FAM171A1: variants seen among roughly 807,000 people sequenced by gnomAD.
FAM171A1 encodes the protein protein FAM171A1.
Under a neutral mutation model 74.9 loss-of-function variants are expected in FAM171A1, and 23 were observed. The observed-to-expected ratio is 0.31, with a 90% confidence interval of 0.22 to 0.44. The LOEUF is 0.44. Ranked by LOEUF, FAM171A1 falls within the 20% of genes least tolerant of loss-of-function variation. The pLI, the probability that FAM171A1 is intolerant of heterozygous loss-of-function variation, is 1.00. For missense variants in FAM171A1, 1,162 were observed against 1,159.2 expected, an observed-to-expected ratio of 1.00 and a Z score of -0.03; for synonymous variants, 527 against 505.7, an observed-to-expected ratio of 1.04 and a Z score of -0.57.
intron 1 of FAM171A1, among the ~76,000 whole-genome samples, chr10:15,298,378 C>T (rs1835185844): frequency 6.6e-6 from 1 of 152,198 alleles, no homozygotes. Context: ...AGGTGATCCG[C>T]CTGCCTCGGC....
At position 15,254,784 on chromosome 10, in the gene FAM171A1, C is replaced by A; in HGVS notation, c.514G>T (p.Ala172Ser). 1.9e-6 allele frequency: 3 copies of A among 1,614,174 alleles called. No homozygotes were observed. The highest frequency in any genetic ancestry group is 2.5e-6 in the Non-Finnish European group (3 of 1,180,008). The change falls in exon 4 of 8, where the codon GCC (alanine) becomes TCC (serine). Residue 172 changes from alanine (A) to serine (S), a missense_variant. Transcript: ENST00000378116. ...CTGTCCACCTCCGAAGGGGAGCTGGCGGCCGTGAGAAACGCGGTCAGGTCA... is the reference window on the plus strand; with the variant it reads ...CTGTCCACCTCCGAAGGGGAGCTGGAGGCCGTGAGAAACGCGGTCAGGTCA... ...YSDLTAFLTA[A>S]SSPSEVDSFP...
chr10:15,338,037 A>G (rs1466455713), intron 1 of FAM171A1, among the ~76,000 whole-genome samples: 1 of 152,204 alleles, frequency 6.6e-6, no homozygotes, highest in African/African-American at 2.4e-5. Flanking sequence ...TAAAAAACAA[A>G]GAATTCTTCT....
intron 5 of FAM171A1, among the ~76,000 whole-genome samples, chr10:15,230,177 T>C (rs1416190345): frequency 2.0e-5 from 3 of 152,232 alleles, no homozygotes; most frequent in Non-Finnish European, 4.4e-5. Flanking sequence ...ACCACATTCT[T>C]CAGTATGGCA....
chr10:15,276,438 C>T (rs1834896311), intron 2 of FAM171A1, among the ~76,000 whole-genome samples: 1 of 152,314 alleles, frequency 6.6e-6, no homozygotes, highest in South Asian at 2.1e-4. Context: ...CTTGGCCTCC[C>T]AAAGTGTTGG....
At chr10:15,325,153 T>C (rs545854041) in intron 1 of FAM171A1, among the ~76,000 whole-genome samples, 1 of 152,242 alleles carries the variant, frequency 6.6e-6, no homozygotes, top group South Asian at 2.1e-4. Flanking sequence ...CAGAAAACAC[T>C]CTACAATTTC....
intron 1 of FAM171A1, among the ~76,000 whole-genome samples, chr10:15,336,171 T>C (rs1835696929): frequency 6.6e-6 from 1 of 151,974 alleles, no homozygotes; most frequent in African/African-American, 2.4e-5. Context: ...CCCTCAGAAA[T>C]AGAGTTTAGG....
At chr10:15,339,679 A>AC (rs1835741942) in intron 1 of FAM171A1, among the ~76,000 whole-genome samples, 1 of 151,896 alleles carries the variant, frequency 6.6e-6, no homozygotes, top group Admixed American at 6.6e-5. Flanking sequence ...CTCCTCCTAC[A>AC]CCCAACCCCT....
chr10:15,368,247 A>ATATAT (rs1836090639), intron 1 of FAM171A1, among the ~76,000 whole-genome samples: 2 of 152,240 alleles, frequency 1.3e-5, no homozygotes, highest in Admixed American at 1.3e-4. Flanking sequence ...AGAGAGTCTG[A>ATATAT]AGCCAAGCCT....
intron 3 of FAM171A1, among the ~76,000 whole-genome samples, chr10:15,267,598 TCG>T (rs1177262142): frequency 2.8e-5 from 2 of 70,740 alleles, no homozygotes; most frequent in East Asian, 9.8e-4. Flanking sequence ...CGAGACACCA[TCG>T]CAAAAAAAAA....
rs1345056046 is a variant in FAM171A1, at chr10:15,211,783, A to C, written c.*1132T>G. 6.6e-6 allele frequency: 1 copy of C among 151,700 alleles called. No homozygotes were observed. Among genetic ancestry groups the C allele is most frequent in the Non-Finnish European group, 1.5e-5 (1 of 67,964 alleles). The allele number at this position is 151,700 out of a possible 1,614,324, so 9.4% of individuals were successfully genotyped here. On this transcript the variant is annotated 3_prime_UTR_variant, in exon 8 of 8. Transcript: ENST00000378116. ...CTTTTTTTTTTTTAAATTTTTTTTAATAGTCACATTCAGCTCGCTTGCTCA... is the reference window on the plus strand; with the variant it reads ...CTTTTTTTTTTTTAAATTTTTTTTACTAGTCACATTCAGCTCGCTTGCTCA...
intron 4 of FAM171A1, among the ~76,000 whole-genome samples, chr10:15,254,272 T>G (rs775052855): frequency 1.2e-4 from 18 of 152,140 alleles, no homozygotes; most frequent in Non-Finnish European, 2.4e-4. Context: ...CCCTCCTGGC[T>G]GCAGCATAGG....
intron 1 of FAM171A1, among the ~76,000 whole-genome samples, chr10:15,285,335 G>A (rs973390108): frequency 3.9e-5 from 6 of 152,188 alleles, no homozygotes; most frequent in East Asian, 1.9e-4. Context: ...TATGAGCTCC[G>A]TAAAAGGATT....
rs1833986982 is a variant in FAM171A1 at position 15,217,916 on chromosome 10, C to T, written c.872-1806G>A. Among the ~76,000 whole-genome samples the T allele has an allele frequency of 2.6e-5, 4 of 152,104 alleles. 1 individual carries two copies. Among genetic ancestry groups the T allele is most frequent in the Admixed American group, 2.6e-4 (4 of 15,258 alleles). ...AAAGTGCTGGGATTACAGGCATGAG[C>T]CACCGCACCCGGCCCAGAGAAACAA... On this transcript the variant is annotated intron_variant, in intron 6 of 7. Transcript: ENST00000378116.
intron 3 of FAM171A1, among the ~76,000 whole-genome samples, chr10:15,269,867 C>T (rs1401926569): frequency 6.6e-6 from 1 of 152,164 alleles, no homozygotes; most frequent in Admixed American, 6.5e-5. Context: ...ATGCTATGTC[C>T]CAGCTGTGGA....
chr10:15,278,985 C>G (rs1045640295), intron 2 of FAM171A1, among the ~76,000 whole-genome samples: 1 of 152,134 alleles, frequency 6.6e-6, no homozygotes, highest in Admixed American at 6.5e-5. Context: ...CACCTCAAAA[C>G]CCGGGCTAGG....
intron 1 of FAM171A1, among the ~76,000 whole-genome samples, chr10:15,348,041 C>T (rs1027601905): frequency 6.6e-6 from 1 of 151,980 alleles, no homozygotes; most frequent in African/African-American, 2.4e-5. Context: ...GCAATGGCAC[C>T]AACTCGGTTC....
intron 5 of FAM171A1, among the ~76,000 whole-genome samples, chr10:15,235,247 G>A (rs113331813): frequency 0.13 from 18,839 of 148,516 alleles, 1,265 homozygotes; most frequent in Middle Eastern, 0.19. Flanking sequence ...GGTTGCAGTG[G>A]GCCGAGATTG....
At chr10:15,261,042 G>A (rs1223431783) in intron 3 of FAM171A1, among the ~76,000 whole-genome samples, 4 of 152,288 alleles carry the variant, frequency 2.6e-5, no homozygotes, top group Admixed American at 2.6e-4. Context: ...GAGAGGAGAA[G>A]GCATTTCTCT....
At chr10:15,323,887 A>G (rs151290075) in intron 1 of FAM171A1, among the ~76,000 whole-genome samples, 2,959 of 152,318 alleles carry the variant, frequency 0.019, 39 homozygotes, top group Non-Finnish European at 0.03. Context: ...TTTAAAAGCC[A>G]TAGCACCTAC....
Sources: allele counts gnomAD v4.1 joint callset (sites outside exome capture counted in the v4.1 genomes callset), GRCh38; gene constraint gnomAD v4.1.1; transcripts MANE v1.5; gene names NCBI Gene and HGNC (gene_info 2026-07-23, HGNC 2026-07-21).